The following CLASP2 variants were observed in gnomAD, a reference collection of about 807,000 sequenced individuals.
The protein encoded by CLASP2 is CLIP-associating protein 2.
Under a neutral mutation model 194.4 loss-of-function variants are expected in CLASP2, and 47 were observed. That is an observed-to-expected ratio of 0.24 (90% CI 0.19 to 0.31). The LOEUF is 0.31. CLASP2 is among the 10% of genes least tolerant of loss of function. The probability of loss-of-function intolerance (pLI) is 1.00; values close to 1 mark genes in which losing one functional copy is unlikely to be tolerated. For synonymous variants in CLASP2, 619 were observed against 633.5 expected (o/e 0.98, Z 0.34); for missense variants, 1,445 against 1,823.6 (o/e 0.79, Z 3.78).
At chr3:33,526,695 T>C (rs1031344316) in intron 34 of CLASP2, among the ~76,000 whole-genome samples, 2 of 152,296 alleles carry the variant, frequency 1.3e-5, no homozygotes, top group African/African-American at 4.8e-5. Flanking sequence ...CATCATCACA[T>C]GGCACATACT....
At chr3:33,597,761 T>C (rs930666839) in intron 18 of CLASP2, among the ~76,000 whole-genome samples, 1 of 151,338 alleles carries the variant, frequency 6.6e-6, no homozygotes, top group South Asian at 2.1e-4. Flanking sequence ...TCTTTCTTTT[T>C]TTTTTTTTTT....
chr3:33,663,367 A>C (rs1477216011), intron 7 of CLASP2, 78 bp downstream of exon 7: 2 of 957,796 alleles, frequency 2.1e-6, no homozygotes, highest in Non-Finnish European at 3.1e-6. Flanking sequence ...CTTTTGAATC[A>C]GTGATATATA....
chr3:33,607,334 T>A, intron 15 of CLASP2, 50 bp downstream of exon 15: 2 of 1,268,610 alleles, frequency 1.6e-6, no homozygotes, highest in South Asian at 2.9e-5. Flanking sequence ...CTAATACATT[T>A]TTTTTTAAAA....
intron 2 of CLASP2, among the ~76,000 whole-genome samples, chr3:33,694,800 G>C (rs553480589): frequency 6.6e-6 from 1 of 152,192 alleles, no homozygotes; most frequent in East Asian, 1.9e-4. Context: ...TACAGGCTGG[G>C]CATGGTGGCT....
chr3:33,565,188 TTTTC>T (rs1444658551), intron 27 of CLASP2, among the ~76,000 whole-genome samples: 3 of 152,134 alleles, frequency 2.0e-5, no homozygotes, highest in Non-Finnish European at 4.4e-5. Flanking sequence ...TAACATTTTA[TTTTC>T]TTTCTGAGAC....
At chr3:33,681,652 A>G (rs1289688346) in intron 6 of CLASP2, among the ~76,000 whole-genome samples, 2 of 152,248 alleles carry the variant, frequency 1.3e-5, no homozygotes, top group Non-Finnish European at 2.9e-5. Context: ...GTGTTGGAGT[A>G]CATAAAGGTT....
chr3:33,651,106 G>A (rs1436497353), intron 7 of CLASP2, among the ~76,000 whole-genome samples: 5 of 152,110 alleles, frequency 3.3e-5, no homozygotes, highest in African/African-American at 1.2e-4. Context: ...AACATGGCTG[G>A]GCGTAGTGGT....
Position 33,570,717 on chromosome 3 carries a change from T to C in CLASP2, c.2763+10A>G, listed in dbSNP as rs1325076543. 2 of 1,589,466 alleles carry C rather than the reference T, an allele frequency of 1.3e-6. No homozygotes were observed. Among genetic ancestry groups the C allele is most frequent in the Middle Eastern group, 1.9e-4 (1 of 5,180 alleles). ...TATAGAAATAAATAATCTTAAATAC[T>C]AAAACATACCTTGCCATGAGGGTCA... On this transcript the variant is annotated intron_variant, in intron 26 of 38. Transcript: ENST00000682230.
intron 9 of CLASP2, among the ~76,000 whole-genome samples, chr3:33,629,873 G>C (rs1183877737): frequency 6.6e-6 from 1 of 151,546 alleles, no homozygotes; most frequent in Non-Finnish European, 1.5e-5. Flanking sequence ...GGTTATCAAA[G>C]CTTAGATAAG....
chr3:33,658,095 T>C (rs906779117), intron 7 of CLASP2, among the ~76,000 whole-genome samples: 1 of 151,898 alleles, frequency 6.6e-6, no homozygotes, highest in Non-Finnish European at 1.5e-5. Context: ...AAAGGTGTAA[T>C]GAAAAAAGAA....
intron 34 of CLASP2, among the ~76,000 whole-genome samples, chr3:33,522,136 C>T (rs1454708972): frequency 6.6e-6 from 1 of 152,160 alleles, no homozygotes; most frequent in Non-Finnish European, 1.5e-5. Flanking sequence ...CTCACTATTG[C>T]AAGCCCTTCC....
chr3:33,618,439 G>T (rs535593223), intron 12 of CLASP2, among the ~76,000 whole-genome samples: 32 of 151,940 alleles, frequency 2.1e-4, no homozygotes, highest in Non-Finnish European at 4.0e-4. Context: ...GAAGCCAGGG[G>T]TTTGAGACCA....
chr3:33,661,709 A>G (rs2085334643), intron 7 of CLASP2, among the ~76,000 whole-genome samples: 2 of 152,210 alleles, frequency 1.3e-5, no homozygotes, highest in South Asian at 4.1e-4. Flanking sequence ...GCCACAGGCT[A>G]ACAAGTCTAG....
chr3:33,574,945 T>C (rs2064531515), intron 24 of CLASP2, among the ~76,000 whole-genome samples: 1 of 152,118 alleles, frequency 6.6e-6, no homozygotes, highest in Non-Finnish European at 1.5e-5. Flanking sequence ...AGTTAAACAT[T>C]CCTCATATAA....
chr3:33,580,160 A>G (rs957705106), intron 23 of CLASP2, among the ~76,000 whole-genome samples: 1 of 152,126 alleles, frequency 6.6e-6, no homozygotes, highest in Non-Finnish European at 1.5e-5. Flanking sequence ...AACACAAACA[A>G]GGGTTGGGCA....
chr3:33,586,759 T>C (rs1332311475), intron 21 of CLASP2, among the ~76,000 whole-genome samples: 1 of 152,174 alleles, frequency 6.6e-6, no homozygotes, highest in Non-Finnish European at 1.5e-5. Flanking sequence ...TGGGCACTAC[T>C]TCTACCCAGT....
At chr3:33,693,383 T>C (rs1294005631) in intron 2 of CLASP2, among the ~76,000 whole-genome samples, 1 of 152,182 alleles carries the variant, frequency 6.6e-6, no homozygotes, top group Non-Finnish European at 1.5e-5. Context: ...TATATATATC[T>C]ACAGTTAGAT....
chr3:33,677,877 G>GT (rs2154341554), intron 6 of CLASP2, among the ~76,000 whole-genome samples: 1 of 74,386 alleles, frequency 1.3e-5, no homozygotes, highest in South Asian at 3.9e-4. Flanking sequence ...TGCCAAAAAG[G>GT]AAAAAAAAAA....
intron 30 of CLASP2, among the ~76,000 whole-genome samples, chr3:33,550,379 A>G (rs557599920): frequency 7.1e-6 from 1 of 140,378 alleles, no homozygotes; most frequent in Non-Finnish European, 1.5e-5. Context: ...TGGGTGAAAA[A>G]GCGAGACTGC....
Sources: allele counts gnomAD v4.1 joint callset (sites outside exome capture counted in the v4.1 genomes callset), GRCh38; gene constraint gnomAD v4.1.1; transcripts MANE v1.5; gene names NCBI Gene and HGNC (gene_info 2026-07-23, HGNC 2026-07-21).